The following ACSS3 variants were observed in gnomAD, a reference collection of about 807,000 sequenced individuals.
ACSS3 encodes acyl-CoA synthetase short-chain family member 3, mitochondrial.
A neutral mutation model predicts 84.2 loss-of-function variants in ACSS3; 64 were observed. The observed-to-expected ratio is 0.76, with a 90% CI of 0.62 to 0.94. ACSS3 has a LOEUF of 0.94. Among genes scored for constraint, ACSS3 ranks in the 40% least tolerant of loss-of-function variants. The pLI is 0.00. For synonymous variants in ACSS3, 317 were observed against 310.1 expected, an observed-to-expected ratio of 1.02 and a Z score of -0.23; for missense variants, 815 against 867.6, an observed-to-expected ratio of 0.94 and a Z score of 0.76.
intron 9 of ACSS3, among the ~76,000 whole-genome samples, chr12:81,202,420 G>C (rs901807534): frequency 1.6e-4 from 25 of 152,098 alleles, no homozygotes; most frequent in South Asian, 1.4e-3. Flanking sequence ...ATTACAAAAA[G>C]ATAAACATCT....
intron 8 of ACSS3, among the ~76,000 whole-genome samples, chr12:81,177,196 G>T (rs2030548881): frequency 6.6e-6 from 1 of 152,036 alleles, no homozygotes. Context: ...CAAATCTACA[G>T]CCAACAATAT....
At position 81,087,953 on chromosome 12, in the gene ACSS3, G is replaced by A. The variant is rs543810863; in HGVS notation, c.311+9522G>A. On this transcript the variant is annotated intron_variant, in intron 1 of 15. Coordinates refer to ENST00000548058, the MANE Select transcript of ACSS3 (RefSeq NM_024560.4). ...ATCTTGGTCCAAATAATTATAATAC[G>A]GAAGAATTATAAAATGCATACTGTG... Among the ~76,000 whole-genome samples the A allele has an allele frequency of 2.0e-5, 3 of 152,136 alleles. No homozygotes were observed. The South Asian group carries it at 6.2e-4, about 32-fold the overall frequency.
chr12:81,213,533 C>T (rs2032677502), intron 9 of ACSS3, among the ~76,000 whole-genome samples: 1 of 149,750 alleles, frequency 6.7e-6, no homozygotes, highest in South Asian at 2.1e-4. Flanking sequence ...GTATTTTCTA[C>T]AAGTCACTAG....
chr12:81,239,818 TTCTCAATTTA>T (rs1421198301), intron 13 of ACSS3, among the ~76,000 whole-genome samples: 1 of 151,960 alleles, frequency 6.6e-6, no homozygotes, highest in African/African-American at 2.4e-5. Context: ...AATTTTCTTG[TTCTCAATTTA>T]TCTCAAAAAT....
At chr12:81,199,658 A>T in intron 9 of ACSS3, 1 of 1,474,834 alleles carries the variant, frequency 6.8e-7, no homozygotes, top group Non-Finnish European at 9.0e-7. Context: ...CTTGGTCCCT[A>T]GGTATAAAGC....
intron 11 of ACSS3, 71 bp from the exon 12 acceptor site, chr12:81,230,986 A>G (rs1023000741): frequency 5.2e-6 from 6 of 1,162,188 alleles, no homozygotes; most frequent in Non-Finnish European, 7.6e-6. Flanking sequence ...CAGTAGAAAA[A>G]TAATAGTTCT....
intron 11 of ACSS3, among the ~76,000 whole-genome samples, chr12:81,225,064 CTTA>C (rs1194112922): frequency 2.0e-5 from 3 of 151,356 alleles, no homozygotes. Context: ...TAGGAAAAAC[CTTA>C]TTATATGTAG....
chr12:81,083,358 C>CTTTTTTTTTTTTT lies in ACSS3; in HGVS notation c.311+4939_311+4940insTTTTTTTTTTTTT, dbSNP rs111641450. Among the ~76,000 whole-genome samples, 3 of 140,304 alleles carry CTTTTTTTTTTTTT rather than the reference C, an allele frequency of 2.1e-5. 1 individual carries two copies. Among genetic ancestry groups the CTTTTTTTTTTTTT allele is most frequent in the Admixed American group, 7.3e-5 (1 of 13,620 alleles). 92.0% of individuals were successfully genotyped at this position (140,304 alleles called of 152,430 possible). A position where few individuals can be genotyped will look rare whatever the true frequency, so the allele number is the denominator to read the frequency against. ...TCCTGTAAAAAATTCAGCTTTTGGT[C>CTTTTTTTTTTTTT]TTTTTTTTTTTTCTTTTGAGACGGA... On this transcript the variant is annotated intron_variant, in intron 1 of 15. Transcript: ENST00000548058.
chr12:81,130,507 T>A (rs1317684155), intron 2 of ACSS3, among the ~76,000 whole-genome samples: 3 of 152,158 alleles, frequency 2.0e-5, no homozygotes, highest in Non-Finnish European at 4.4e-5. Context: ...GTTTAAGTTC[T>A]TTGTAGATTC....
intron 1 of ACSS3, among the ~76,000 whole-genome samples, chr12:81,106,728 G>T (rs150257611): frequency 1.3e-5 from 2 of 152,264 alleles, no homozygotes; most frequent in Non-Finnish European, 2.9e-5. Context: ...AGCCATTATA[G>T]CAGCATATGG....
rs1338285279 is a variant in ACSS3 at position 81,260,496 on chromosome 12, T to C, written c.*5574T>C. The C allele has an allele frequency of 6.6e-6, 1 of 152,154 alleles. No homozygotes were observed. Among genetic ancestry groups the C allele is most frequent in the African/African-American group, 2.4e-5 (1 of 41,432 alleles). The allele number at this position is 152,154 out of a possible 1,614,324, so 9.4% of individuals were successfully genotyped here. On this transcript the variant is annotated 3_prime_UTR_variant, in exon 16 of 16. Coordinates refer to ENST00000548058, the MANE Select transcript of ACSS3 (RefSeq NM_024560.4). ...GTGTAGAATCTAATATAAACAGTAT[T>C]TTGGGAGACCTCTTATTTAGCCAAA...
chr12:81,181,747 C>CAAAAAAAAAAAAAAAAAAA (rs59878486), intron 8 of ACSS3, among the ~76,000 whole-genome samples: 4 of 47,918 alleles, frequency 8.3e-5, no homozygotes, highest in Admixed American at 5.2e-4. Context: ...ATCAATTAAG[C>CAAAAAAAAAAAAAAAAAAA]AAAAAAAAAA....
chr12:81,240,445 A>G, intron 13 of ACSS3, among the ~76,000 whole-genome samples: 1 of 152,026 alleles, frequency 6.6e-6, no homozygotes, highest in East Asian at 1.9e-4. Flanking sequence ...TATATTTAAA[A>G]TGGGTTTCTT....
At chr12:81,164,382 C>T (rs1887302112) in intron 7 of ACSS3, among the ~76,000 whole-genome samples, 1 of 152,078 alleles carries the variant, frequency 6.6e-6, no homozygotes, top group Non-Finnish European at 1.5e-5. Flanking sequence ...GCTAAAATCA[C>T]CTAAAGATAC....
chr12:81,108,011 G>C (rs1459927357), intron 1 of ACSS3, among the ~76,000 whole-genome samples: 2 of 152,060 alleles, frequency 1.3e-5, no homozygotes, highest in African/African-American at 4.8e-5. Context: ...TCAAGAGAGA[G>C]AGTCTCCACT....
At chr12:81,187,868 T>C (rs10862259) in intron 8 of ACSS3, among the ~76,000 whole-genome samples, 27,216 of 151,768 alleles carry the variant, frequency 0.18, 2,767 homozygotes, top group East Asian at 0.4. Context: ...TATTTGTGTA[T>C]GTATGACTCA....
Position 81,233,437 on chromosome 12 carries a change from C to A in ACSS3, c.1685C>A (p.Ala562Glu), listed in dbSNP as rs1479938215. 6.2e-7 allele frequency: 1 copy of A among 1,610,726 alleles called. No homozygotes were observed. The highest frequency in any genetic ancestry group is 8.5e-7 in the Non-Finnish European group (1 of 1,177,872). ...CGAGTGGATGATGTAATAAATGTTG[C>A]AGGTCACAGAATTTCTGCAGGCGCC... The part of the protein sequence containing the change: ...MSRVDDVINV[A>E]GHRISAGAIE... Residue 562 changes from alanine (A) to glutamate (E), a missense_variant, in exon 13 of 16, where the codon GCA (alanine) becomes GAA (glutamate). Coordinates refer to ENST00000548058, the MANE Select transcript of ACSS3 (RefSeq NM_024560.4).
chr12:81,228,654 T>C (rs966754142), intron 11 of ACSS3, among the ~76,000 whole-genome samples: 4 of 151,882 alleles, frequency 2.6e-5, no homozygotes, highest in Middle Eastern at 3.4e-3. Context: ...AAGAATGAGA[T>C]TTTCCCTTTC....
At chr12:81,112,546 T>C (rs1187908782) in intron 2 of ACSS3, among the ~76,000 whole-genome samples, 2 of 152,154 alleles carry the variant, frequency 1.3e-5, no homozygotes, top group Non-Finnish European at 2.9e-5. Context: ...ATCAAAGTAG[T>C]TAAAAGGACT....
Sources: allele counts gnomAD v4.1 joint callset (sites outside exome capture counted in the v4.1 genomes callset), GRCh38; gene constraint gnomAD v4.1.1; transcripts MANE v1.5; gene names NCBI Gene and HGNC (gene_info 2026-07-23, HGNC 2026-07-21).